RBFOX1: variants seen among roughly 807,000 people sequenced by gnomAD.
RBFOX1 encodes RNA binding protein fox-1 homolog 1.
A neutral mutation model predicts 57.7 loss-of-function variants in RBFOX1; 8 were observed. The observed-to-expected ratio is 0.14, with a 90% confidence interval of 0.08 to 0.25. The LOEUF is 0.25. Among genes scored for constraint, RBFOX1 ranks in the 10% least tolerant of loss-of-function variants. RBFOX1 has a pLI of 1.00. For synonymous variants in RBFOX1, 326 were observed against 222.4 expected, an observed-to-expected ratio of 1.47 and a Z score of -4.15; for missense variants, 611 against 548.5, an observed-to-expected ratio of 1.11 and a Z score of -1.14.
chr16:7,666,652 G>T (rs1297529014), intron 13 of RBFOX1, among the ~76,000 whole-genome samples: 1 of 152,166 alleles, frequency 6.6e-6, no homozygotes, highest in Non-Finnish European at 1.5e-5. Context: ...GTGAGTGCGA[G>T]TGTGTGTCTG....
At chr16:6,269,838 C>T (rs1421866845) in intron 1 of RBFOX1, among the ~76,000 whole-genome samples, 1 of 152,138 alleles carries the variant, frequency 6.6e-6, no homozygotes, top group Non-Finnish European at 1.5e-5. Flanking sequence ...TTTTCCTTCT[C>T]TGGTGTTTTC....
chr16:7,472,689 T>C (rs2150970245), intron 4 of RBFOX1, among the ~76,000 whole-genome samples: 1 of 152,334 alleles, frequency 6.6e-6, no homozygotes, highest in African/African-American at 2.4e-5. Context: ...TAAACAAGCA[T>C]ATTCACACAA....
chr16:6,671,660 T>TA (rs1452634566), intron 3 of RBFOX1, among the ~76,000 whole-genome samples: 1 of 152,192 alleles, frequency 6.6e-6, no homozygotes, highest in Non-Finnish European at 1.5e-5. Flanking sequence ...CTATCATTCT[T>TA]ACGCCTTTGC....
intron 3 of RBFOX1, among the ~76,000 whole-genome samples, chr16:6,821,633 G>T (rs934478343): frequency 6.6e-6 from 1 of 152,124 alleles, no homozygotes; most frequent in Non-Finnish European, 1.5e-5. Context: ...TACATAAATC[G>T]TACAACACGT....
At chr16:7,694,870 C>G (rs930410395) in intron 14 of RBFOX1, among the ~76,000 whole-genome samples, 4 of 152,118 alleles carry the variant, frequency 2.6e-5, no homozygotes, top group Middle Eastern at 3.2e-3. Context: ...GTATAGATGC[C>G]TCAGTGCACT....
intron 4 of RBFOX1, among the ~76,000 whole-genome samples, chr16:7,090,555 G>C (rs1055992911): frequency 6.6e-6 from 1 of 152,134 alleles, no homozygotes; most frequent in African/African-American, 2.4e-5. Context: ...CCATCATTTG[G>C]TGTCATCTCA....
At chr16:6,579,264 T>A (rs2097496784) in intron 2 of RBFOX1, among the ~76,000 whole-genome samples, 1 of 152,072 alleles carries the variant, frequency 6.6e-6, no homozygotes, top group Admixed American at 6.6e-5. Context: ...AGTGTAGTGG[T>A]TCAGTTATCG....
chr16:7,062,819 C>G (rs1259645415), intron 4 of RBFOX1, among the ~76,000 whole-genome samples: 1 of 150,398 alleles, frequency 6.6e-6, no homozygotes, highest in African/African-American at 2.5e-5. Flanking sequence ...CACCCTGATT[C>G]CTGCCTTTAT....
intron 5 of RBFOX1, among the ~76,000 whole-genome samples, chr16:7,525,435 G>T (rs1341805504): frequency 6.6e-6 from 1 of 152,110 alleles, no homozygotes; most frequent in Non-Finnish European, 1.5e-5. Flanking sequence ...CTCCATCTCT[G>T]TTTGCCTCTG....
At chr16:6,806,024 A>G (rs1239971999) in intron 3 of RBFOX1, among the ~76,000 whole-genome samples, 2 of 152,296 alleles carry the variant, frequency 1.3e-5, no homozygotes, top group East Asian at 3.9e-4. Flanking sequence ...TCATACTCAA[A>G]ATATTTGCTA....
chr16:6,593,048 TG>T (rs1268423556), intron 2 of RBFOX1, among the ~76,000 whole-genome samples: 2 of 152,082 alleles, frequency 1.3e-5, no homozygotes, highest in Non-Finnish European at 2.9e-5. Context: ...AAAAGTTAGC[TG>T]GGTGTGGTGG....
chr16:5,517,456 A>T (rs899823065), intron 2 of RBFOX1, among the ~76,000 whole-genome samples: 2 of 152,150 alleles, frequency 1.3e-5, no homozygotes, highest in Admixed American at 6.5e-5. Context: ...CTTGGCTTCC[A>T]ATAGCTTTTT....
chr16:6,244,334 C>T (rs2097557125), intron 1 of RBFOX1, among the ~76,000 whole-genome samples: 1 of 152,208 alleles, frequency 6.6e-6, no homozygotes, highest in Admixed American at 6.5e-5. Flanking sequence ...ACCCAGCCTT[C>T]AAATCTCAGT....
At chr16:5,918,071 T>C (rs1162934692) in intron 4 of RBFOX1, among the ~76,000 whole-genome samples, 1 of 152,182 alleles carries the variant, frequency 6.6e-6, no homozygotes, top group Non-Finnish European at 1.5e-5. Context: ...AAGCACTCAG[T>C]CAGCAACAGC....
At chr16:7,512,196 G>C (rs1255149305) in intron 4 of RBFOX1, among the ~76,000 whole-genome samples, 2 of 152,176 alleles carry the variant, frequency 1.3e-5, no homozygotes, top group African/African-American at 4.8e-5. Context: ...AAATAATTTT[G>C]CCTGTCACTG....
rs765657206 is a variant in RBFOX1, at chr16:7,137,279, G to A, written c.27+85181G>A. On this transcript the variant is annotated intron_variant, in intron 4 of 15. Coordinates refer to ENST00000550418, the MANE Select transcript of RBFOX1 (RefSeq NM_018723.4). ...CTATTCTGACCAGCACAGGTGATAC[G>A]GTTTGGCTGTGTCCCCAGCCAAATG... Among the ~76,000 whole-genome samples, 4 of 152,244 alleles carry A rather than the reference G, an allele frequency of 2.6e-5. No individual in the cohort carries two copies. In the East Asian group the frequency reaches 5.8e-4, roughly 22 times the overall value.
Position 6,663,755 on chromosome 16 carries a change from G to T in RBFOX1, c.-16+9105G>T, listed in dbSNP as rs77705425. Among the ~76,000 whole-genome samples, 4 of 152,294 alleles carry T rather than the reference G, an allele frequency of 2.6e-5. No individual in the cohort carries two copies. The East Asian group carries it at 7.7e-4, about 29-fold the overall frequency. ...CAAAATTCCTGGAATCTTTGGAAATGAAAATTAGAGCATCCCTGAGAAAGG... is the reference window on the plus strand; with the variant it reads ...CAAAATTCCTGGAATCTTTGGAAATTAAAATTAGAGCATCCCTGAGAAAGG... On this transcript the variant is annotated intron_variant, in intron 3 of 15. Coordinates refer to ENST00000550418, the MANE Select transcript of RBFOX1 (RefSeq NM_018723.4).
At chr16:6,972,285 C>A (rs972454475) in intron 3 of RBFOX1, among the ~76,000 whole-genome samples, 2 of 152,158 alleles carry the variant, frequency 1.3e-5, no homozygotes, top group African/African-American at 2.4e-5. Flanking sequence ...AACTGTCATT[C>A]TACTTTTTGT....
intron 3 of RBFOX1, among the ~76,000 whole-genome samples, chr16:5,723,662 A>G (rs112882339): frequency 1.3e-3 from 140 of 106,450 alleles, no homozygotes; most frequent in East Asian, 3.6e-3. Flanking sequence ...CTAAGGTCGA[A>G]TAGTCAGCCC....
Sources: allele counts gnomAD v4.1 joint callset (sites outside exome capture counted in the v4.1 genomes callset), GRCh38; gene constraint gnomAD v4.1.1; transcripts MANE v1.5; gene names NCBI Gene and HGNC (gene_info 2026-07-23, HGNC 2026-07-21).